The following SLC22A25 variants were observed in gnomAD, a reference collection of about 807,000 sequenced individuals.
SLC22A25 encodes MGI:2442751, MGI:2385316, MGI:3042283, MGI:3645714, MGI:3605624, MGI:2442750.
In SLC22A25, 44 loss-of-function variants were observed where a neutral mutation model predicts 45.9. That is an observed-to-expected ratio of 0.96 (90% CI 0.75 to 1.23). The LOEUF (loss-of-function observed/expected upper bound fraction) is 1.23, where lower values mean the gene tolerates loss of function less well. Among genes scored for constraint, SLC22A25 ranks in the 50% most tolerant of loss-of-function variants. The pLI, the probability that SLC22A25 is intolerant of heterozygous loss-of-function variation, is 0.00. For synonymous variants in SLC22A25, 283 were observed against 238.6 expected (o/e 1.19, Z -1.72); for missense variants, 800 against 666.4 (o/e 1.20, Z -2.21).
intron 3 of SLC22A25, among the ~76,000 whole-genome samples, chr11:63,236,971 A>G (rs891537032): frequency 7.9e-5 from 12 of 152,280 alleles, no homozygotes; most frequent in African/African-American, 2.9e-4. Flanking sequence ...GCTGAATTCC[A>G]TGTCATGAAA....
intron 7 of SLC22A25, among the ~76,000 whole-genome samples, chr11:63,216,042 GTTA>G (rs1208912941): frequency 6.6e-6 from 1 of 152,022 alleles, no homozygotes; most frequent in Non-Finnish European, 1.5e-5. Context: ...CCATGTTTTT[GTTA>G]TTGTTGATAG....
chr11:63,178,966 A>ATT (rs56266035), intron 9 of SLC22A25, among the ~76,000 whole-genome samples: 1 of 147,984 alleles, frequency 6.8e-6, no homozygotes, highest in African/African-American at 2.5e-5. Context: ...TAAGTCTGTA[A>ATT]TTTTTTTTTT....
At chr11:63,202,246 A>G (rs2089268314) in intron 7 of SLC22A25, among the ~76,000 whole-genome samples, 2 of 151,198 alleles carry the variant, frequency 1.3e-5, no homozygotes. Flanking sequence ...AGCTAGCTGC[A>G]GGAGTTTTTT....
chr11:63,180,707 G>A lies in SLC22A25; in HGVS notation c.1023C>T (p.Leu341=). The change falls in exon 9 of 12, where the codon CTC becomes CTT. Residue 341 remains leucine (L), a synonymous_variant. Transcript: ENST00000306494. ...AQKKHSLCEL[L]RIPNICKRIC... ...TTCTTTTACATATGTTGGGTATGCG[G>A]AGCAATTCACAAAGAGAATGCTTTT... is the stretch of plus-strand genomic sequence containing the variant. The A allele has an allele frequency of 6.2e-7, 1 of 1,613,186 alleles. No individual in the cohort carries two copies. Among genetic ancestry groups the A allele is most frequent in the Non-Finnish European group, 8.5e-7 (1 of 1,179,520 alleles).
intron 5 of SLC22A25, among the ~76,000 whole-genome samples, chr11:63,228,187 A>G (rs1254351799): frequency 1.3e-5 from 2 of 152,186 alleles, no homozygotes; most frequent in African/African-American, 2.4e-5. Context: ...CTGTTCTGTC[A>G]TCTTGCTCTG....
chr11:63,215,967 C>T (rs1590884488), intron 7 of SLC22A25, among the ~76,000 whole-genome samples: 1 of 152,166 alleles, frequency 6.6e-6, no homozygotes, highest in Non-Finnish European at 1.5e-5. Flanking sequence ...TTTATGGTTG[C>T]ATAATCATGG....
At chr11:63,186,537 T>C (rs1369139406) in intron 7 of SLC22A25, among the ~76,000 whole-genome samples, 3 of 151,934 alleles carry the variant, frequency 2.0e-5, no homozygotes, top group Non-Finnish European at 2.9e-5. Context: ...GTGCAGAAGC[T>C]CTTTAGTTTA....
chr11:63,234,293 A>C (rs766100073), intron 3 of SLC22A25, among the ~76,000 whole-genome samples: 96 of 152,190 alleles, frequency 6.3e-4, no homozygotes, highest in Non-Finnish European at 1.0e-3. Flanking sequence ...TATGTCTCTA[A>C]GGACTAGCTT....
At chr11:63,238,505 G>A (rs1272303287) in intron 2 of SLC22A25, among the ~76,000 whole-genome samples, 3 of 152,176 alleles carry the variant, frequency 2.0e-5, no homozygotes, top group Non-Finnish European at 4.4e-5. Flanking sequence ...AAGAATGAAA[G>A]CACTATGATA....
chr11:63,178,162 A>G (rs76132938), intron 9 of SLC22A25, among the ~76,000 whole-genome samples: 2,679 of 151,984 alleles, frequency 0.018, 78 homozygotes, highest in African/African-American at 0.061. Flanking sequence ...AAATTCTGGG[A>G]TTACAGGTGT....
rs1381227233 is a variant in SLC22A25 at position 63,166,084 on chromosome 11, T to C, written c.1245A>G (p.Leu415=). ...TGATGGCCAGAAGGCAGGTTGCCAG[T>C]AGGAACATGAGAAGCATCTGGCTTA... ...RRLSQMLLMF[L]LATCLLAIIF... is the part of the protein sequence containing the mutation. Residue 415 remains leucine, a synonymous_variant, in exon 10 of 12, where the codon CTA becomes CTG. Transcript: ENST00000306494. 5.0e-6 allele frequency: 8 copies of C among 1,613,930 alleles called. No homozygotes were observed. Among genetic ancestry groups the C allele is most frequent in the Non-Finnish European group, 5.9e-6 (7 of 1,179,908 alleles).
In SLC22A25 at chr11:63,166,008, G is replaced by A. The variant is rs201268808; in HGVS notation, c.1285+36C>T. ...GGCAATCCCTGAGAAAAGAGGGAAA[G>A]ACATTTTCTTTCTTCCACCTGTGAA... On this transcript the variant is annotated intron_variant, in intron 10 of 11. Coordinates refer to ENST00000306494, the MANE Select transcript of SLC22A25 (RefSeq NM_199352.6). 8.7e-6 allele frequency: 14 copies of A among 1,607,368 alleles called. No homozygotes were observed. In the Admixed American group the frequency reaches 1.8e-4, roughly 21 times the overall value.
intron 7 of SLC22A25, among the ~76,000 whole-genome samples, chr11:63,192,177 G>C (rs1447331676): frequency 6.6e-6 from 1 of 152,148 alleles, no homozygotes; most frequent in African/African-American, 2.4e-5. Flanking sequence ...GATTGGGGAT[G>C]AATATTCAAC....
At chr11:63,228,372 T>A in intron 5 of SLC22A25, 89 bp downstream of exon 5, 1 of 1,046,414 alleles carries the variant, frequency 9.6e-7, no homozygotes, top group East Asian at 2.4e-5. Flanking sequence ...AACAGGATAG[T>A]GTGATTTCCA....
rs35722529 is a variant in SLC22A25, at chr11:63,229,388, G to A, written c.265C>T (p.Arg89Cys). 14,340 of 1,614,006 alleles carry A rather than the reference G, an allele frequency of 8.9e-3. 144 individuals carry two copies. Among genetic ancestry groups the A allele is most frequent in the African/African-American group, 0.048 (3,628 of 75,010 alleles). Residue 89 changes from arginine (R) to cysteine (C), a missense_variant, in exon 4 of 12, where the codon CGT becomes TGT. By Grantham distance (180) the Arg-to-Cys change is radical. Transcript: ENST00000306494. ...TTCCACTGGGGATGGACAAAGCGACGACACTTCTCTGGCCTCAGATTTGAG... is the reference window on the plus strand; with the variant it reads ...TTCCACTGGGGATGGACAAAGCGACAACACTTCTCTGGCCTCAGATTTGAG... ...FDSNLRPEKC[R>C]RFVHPQWKLI...
At position 63,229,381 on chromosome 11, in the gene SLC22A25, A is replaced by C; in HGVS notation, c.272T>G (p.Phe91Cys). 6.2e-7 allele frequency: 1 copy of C among 1,614,112 alleles called. No homozygotes were observed. Among genetic ancestry groups the C allele is most frequent in the Non-Finnish European group, 8.5e-7 (1 of 1,179,958 alleles). ...SNLRPEKCRR[F>C]VHPQWKLIHL... is the part of the protein sequence containing the mutation. ...AATGAGCTTCCACTGGGGATGGACA[A>C]AGCGACGACACTTCTCTGGCCTCAG... Residue 91 changes from phenylalanine (F) to cysteine (C), a missense_variant, in exon 4 of 12, where the codon TTT becomes TGT. Coordinates refer to ENST00000306494, the MANE Select transcript of SLC22A25 (RefSeq NM_199352.6).
At chr11:63,217,761 AT>A (rs1224353983) in intron 5 of SLC22A25, 26 bp from the exon 6 acceptor site, 1 of 1,584,156 alleles carries the variant, frequency 6.3e-7, no homozygotes, top group Non-Finnish European at 8.6e-7. Flanking sequence ...ACATTAGATA[AT>A]GGGAACAATA....
intron 7 of SLC22A25, among the ~76,000 whole-genome samples, chr11:63,189,686 T>A (rs919274974): frequency 5.9e-5 from 9 of 152,312 alleles, no homozygotes; most frequent in African/African-American, 1.9e-4. Context: ...CTGGTACCGG[T>A]TGTTCCTTTC....
At chr11:63,195,390 T>C (rs1281835764) in intron 7 of SLC22A25, among the ~76,000 whole-genome samples, 6 of 151,808 alleles carry the variant, frequency 4.0e-5, no homozygotes, top group Admixed American at 3.9e-4. Flanking sequence ...AGAACAGAAA[T>C]CACAACAAAC....
Sources: allele counts gnomAD v4.1 joint callset (sites outside exome capture counted in the v4.1 genomes callset), GRCh38; gene constraint gnomAD v4.1.1; transcripts MANE v1.5; gene names NCBI Gene and HGNC (gene_info 2026-07-23, HGNC 2026-07-21).